IPMK: variants seen among roughly 807,000 people sequenced by gnomAD.
IPMK encodes inositol 1,3,4,6-tetrakisphosphate 5-kinase.
In IPMK, 17 loss-of-function variants were observed where a neutral mutation model predicts 45.8. The observed-to-expected ratio is 0.37, with a 90% CI of 0.25 to 0.56. The LOEUF (loss-of-function observed/expected upper bound fraction) is 0.56, where lower values mean the gene tolerates loss of function less well. IPMK is among the 20% of genes least tolerant of loss of function. IPMK has a pLI of 0.79. For missense variants in IPMK, 399 were observed against 498.0 expected, an observed-to-expected ratio of 0.80 and a Z score of 1.89; for synonymous variants, 180 against 184.3, an observed-to-expected ratio of 0.98 and a Z score of 0.19.
intron 1 of IPMK, among the ~76,000 whole-genome samples, chr10:58,246,414 C>T: frequency 7.2e-6 from 1 of 138,506 alleles, no homozygotes; most frequent in South Asian, 2.3e-4. Flanking sequence ...TACTACAAGG[C>T]TACAGTAACC....
At chr10:58,242,972 G>T (rs920252671) in intron 1 of IPMK, among the ~76,000 whole-genome samples, 8 of 152,072 alleles carry the variant, frequency 5.3e-5, no homozygotes, top group African/African-American at 1.4e-4. Context: ...GCCGTGTAAA[G>T]AAGGTGCTTG....
chr10:58,218,775 G>A (rs903034779), intron 3 of IPMK, among the ~76,000 whole-genome samples: 2 of 152,156 alleles, frequency 1.3e-5, no homozygotes, highest in Non-Finnish European at 2.9e-5. Flanking sequence ...GATAAGAGAA[G>A]CTAGGGTAGA....
Position 58,196,198 on chromosome 10 carries a change from C to T in IPMK, c.1129G>A (p.Ala377Thr). Reference protein sequence around the residue: ...YHLPTGCQEIAEVEVRMIDFA... With the variant: ...YHLPTGCQEITEVEVRMIDFA... ...TCTATCATTCGCACTTCTACTTCAG[C>T]AATCTCTTGGCAACCAGTGGGAAGA... The change falls in exon 6 of 6, where the codon GCT (alanine) becomes ACT (threonine). Residue 377 changes from alanine (A) to threonine (T), a missense_variant. Physicochemically the swap from Ala to Thr is moderately conservative, Grantham distance 58. This residue lies in a region of IPMK where 288 missense variants were observed against 398.0 expected (regional missense o/e 0.72). Transcript: ENST00000373935. 1 of 1,614,166 alleles carries T rather than the reference C, an allele frequency of 6.2e-7. No individual in the cohort carries two copies. The highest frequency in any genetic ancestry group is 8.5e-7 in the Non-Finnish European group (1 of 1,180,008).
At chr10:58,247,592 G>A (rs1838821007) in intron 1 of IPMK, among the ~76,000 whole-genome samples, 1 of 147,340 alleles carries the variant, frequency 6.8e-6, no homozygotes, top group Non-Finnish European at 1.5e-5. Context: ...ACTCATAGGT[G>A]GGAACTGAAC....
intron 4 of IPMK, among the ~76,000 whole-genome samples, chr10:58,205,692 T>C (rs2132146030): frequency 6.6e-6 from 1 of 152,064 alleles, no homozygotes; most frequent in South Asian, 2.1e-4. Flanking sequence ...GTGGGAAGGG[T>C]GGCTAGGGAT....
At chr10:58,220,906 A>G (rs545205922) in intron 3 of IPMK, among the ~76,000 whole-genome samples, 1 of 152,344 alleles carries the variant, frequency 6.6e-6, no homozygotes, top group African/African-American at 2.4e-5. Context: ...AAAACCTGCT[A>G]ACCATGTTAG....
intron 4 of IPMK, 66 bp downstream of exon 4, chr10:58,216,079 T>A (rs1838240688): frequency 4.0e-6 from 4 of 991,368 alleles, no homozygotes; most frequent in South Asian, 2.7e-5. Flanking sequence ...TACAATGACA[T>A]CCATAATTTT....
chr10:58,222,647 T>C (rs1838354801), intron 3 of IPMK, among the ~76,000 whole-genome samples: 2 of 152,360 alleles, frequency 1.3e-5, no homozygotes, highest in African/African-American at 2.4e-5. Context: ...TAAGAGGCTA[T>C]GGCTAATAAC....
At chr10:58,197,679 A>G (rs1300694549) in intron 5 of IPMK, among the ~76,000 whole-genome samples, 5 of 151,648 alleles carry the variant, frequency 3.3e-5, no homozygotes, top group South Asian at 4.2e-4. Flanking sequence ...AGAAAAAAAA[A>G]AAAAAGAAAT....
intron 1 of IPMK, among the ~76,000 whole-genome samples, chr10:58,251,965 A>G (rs1478095727): frequency 6.6e-6 from 1 of 152,208 alleles, no homozygotes; most frequent in Non-Finnish European, 1.5e-5. Flanking sequence ...GGGGAATGTA[A>G]TACATTTACA....
Position 58,216,198 on chromosome 10 carries a change from C to A in IPMK, c.493G>T (p.Val165Phe). The A allele has an allele frequency of 6.2e-7, 1 of 1,611,846 alleles. No individual in the cohort carries two copies. The highest frequency in any genetic ancestry group is 8.5e-7 in the Non-Finnish European group (1 of 1,179,072). The change falls in exon 4 of 6, where the codon GTC (valine) becomes TTC (phenylalanine). Residue 165 changes from valine (V) to phenylalanine (F), a missense_variant. This residue lies in a region of IPMK where 288 missense variants were observed against 398.0 expected (regional missense o/e 0.72). Transcript: ENST00000373935. The stretch of plus-strand genomic sequence containing the variant: ...TCTTCCATTAATGGGTACTTGCTGA[C>A]CTGTTGCTGAATCTTCTCAGATGAG... ...FASSEKIQQQ[V>F]SKYPLMEEIG...
At chr10:58,212,331 T>TAA (rs1391451717) in intron 4 of IPMK, among the ~76,000 whole-genome samples, 1 of 152,204 alleles carries the variant, frequency 6.6e-6, no homozygotes, top group African/African-American at 2.4e-5. Context: ...CAAATGAGTT[T>TAA]AAATGCATTT....
At position 58,227,126 on chromosome 10, in the gene IPMK, T is replaced by C. The variant is rs149068566; in HGVS notation, c.290A>G (p.Asp97Gly). 1.2e-6 allele frequency: 2 copies of C among 1,612,378 alleles called. No homozygotes were observed. Among genetic ancestry groups the C allele is most frequent in the African/African-American group, 2.7e-5 (2 of 74,884 alleles). ...CTCTAGAAGAACACCATCAAAACAG[T>C]CAGCAGCATAAACCTGAAACAGAGA... ...LEFYNMVYAA[D>G]CFDGVLLELR... The change falls in exon 3 of 6, where the codon GAC (aspartate) becomes GGC (glycine). Residue 97 changes from aspartate (D) to glycine (G), a missense_variant. Asp to Gly is a moderately conservative substitution (Grantham distance 94, BLOSUM62 -1). This residue lies in a region of IPMK where 288 missense variants were observed against 398.0 expected (regional missense o/e 0.72). Coordinates refer to ENST00000373935, the MANE Select transcript of IPMK (RefSeq NM_152230.5).
At chr10:58,260,490 CATG>C (rs1306761736) in intron 1 of IPMK, among the ~76,000 whole-genome samples, 1 of 152,094 alleles carries the variant, frequency 6.6e-6, no homozygotes, top group Non-Finnish European at 1.5e-5. Flanking sequence ...GAAAAGGGGT[CATG>C]ATGTCTAAAA....
chr10:58,252,604 T>C (rs1185670186), intron 1 of IPMK, among the ~76,000 whole-genome samples: 1 of 143,630 alleles, frequency 7.0e-6, no homozygotes, highest in Non-Finnish European at 1.5e-5. Flanking sequence ...TCCAAGAGTT[T>C]TCTTTTCTTT....
intron 4 of IPMK, among the ~76,000 whole-genome samples, chr10:58,202,418 A>G (rs892653444): frequency 1.3e-5 from 2 of 152,162 alleles, no homozygotes; most frequent in African/African-American, 4.8e-5. Context: ...AGGCTGAGGC[A>G]GGAGGATTGC....
chr10:58,221,784 T>A (rs183994882), intron 3 of IPMK, among the ~76,000 whole-genome samples: 21 of 152,264 alleles, frequency 1.4e-4, no homozygotes, highest in African/African-American at 4.3e-4. Flanking sequence ...GGTCTCTCTC[T>A]GTCGCCCAGG....
Position 58,240,058 on chromosome 10 carries a change from G to T in IPMK, c.191-2244C>A, listed in dbSNP as rs187972258. ...AGGAAAACATAAAGCACAATCAAGA[G>T]AAAACATAATAGGAGATGACACACA... On this transcript the variant is annotated intron_variant, in intron 1 of 5. Transcript: ENST00000373935. 1.0e-3 allele frequency among the ~76,000 whole-genome samples: 156 copies of T among 152,154 alleles called. 1 individual carries two copies. Among genetic ancestry groups the T allele is most frequent in the Non-Finnish European group, 1.9e-3 (127 of 68,002 alleles).
In IPMK at chr10:58,207,783, G is replaced by A. The variant is rs146026394; in HGVS notation, c.546+8362C>T. ...AATGAATTTCCTAGGATTTCTTTGC[G>A]TTTCTTGTAATTGATGTCTAGATCT... On this transcript the variant is annotated intron_variant, in intron 4 of 5. Coordinates refer to ENST00000373935, the MANE Select transcript of IPMK (RefSeq NM_152230.5). 3.3e-4 allele frequency among the ~76,000 whole-genome samples: 50 copies of A among 152,180 alleles called. 1 individual carries two copies. The highest frequency in any genetic ancestry group is 9.9e-4 in the African/African-American group (41 of 41,516).
Sources: gnomAD v4.1 joint callset for allele counts (sites outside exome capture counted in the v4.1 genomes callset) on GRCh38, gnomAD v4.1.1 for gene constraint, gnomAD v4.1.1 regional missense constraint, MANE v1.5 for transcripts, NCBI Gene and HGNC (gene_info 2026-07-23, HGNC 2026-07-21) for gene names.